NFIA: variants seen among roughly 807,000 people sequenced by gnomAD.
NFIA encodes nuclear factor 1 A-type.
In NFIA, 8 loss-of-function variants were observed where a neutral mutation model predicts 62.8. The observed-to-expected ratio is 0.13, with a 90% CI of 0.07 to 0.23. The LOEUF (loss-of-function observed/expected upper bound fraction) is 0.23, where lower values mean the gene tolerates loss of function less well. NFIA is among the 10% of genes least tolerant of loss of function. NFIA has a pLI of 1.00. For missense variants in NFIA, 410 were observed against 642.1 expected, an observed-to-expected ratio of 0.64 and a Z score of 3.91; for synonymous variants, 235 against 238.1, an observed-to-expected ratio of 0.99 and a Z score of 0.12.
intron 3 of NFIA, among the ~76,000 whole-genome samples, chr1:61,289,784 T>TA (rs1342263384): frequency 6.6e-6 from 1 of 152,174 alleles, no homozygotes; most frequent in Admixed American, 6.5e-5. Context: ...TCTTCCCAGG[T>TA]ATCTGCCTCA....
At chr1:61,339,091 T>C (rs1327121067) in intron 4 of NFIA, among the ~76,000 whole-genome samples, 2 of 152,210 alleles carry the variant, frequency 1.3e-5, no homozygotes, top group Admixed American at 1.3e-4. Flanking sequence ...CTACTCAAAC[T>C]ATGTGCTCGA....
intron 7 of NFIA, among the ~76,000 whole-genome samples, chr1:61,403,113 G>A (rs1022015562): frequency 5.3e-5 from 8 of 152,302 alleles, no homozygotes; most frequent in South Asian, 2.1e-4. Flanking sequence ...GATTTAAACC[G>A]AAGAAAGGAA....
intron 3 of NFIA, among the ~76,000 whole-genome samples, chr1:61,306,092 C>T (rs942239418): frequency 6.6e-5 from 10 of 151,696 alleles, no homozygotes; most frequent in South Asian, 2.1e-4. Flanking sequence ...CCTCGTGATC[C>T]GCCCGCCTTG....
intron 2 of NFIA, among the ~76,000 whole-genome samples, chr1:61,273,726 T>C (rs57700960): frequency 0.07 from 10,581 of 152,232 alleles, 392 homozygotes; most frequent in East Asian, 0.13. Flanking sequence ...TGGTTTGAAC[T>C]CACCTTACTA....
chr1:61,280,440 T>C (rs1206350922), intron 3 of NFIA, among the ~76,000 whole-genome samples: 1 of 98,766 alleles, frequency 1.0e-5, no homozygotes, highest in Non-Finnish European at 2.4e-5. Flanking sequence ...TTCACATATA[T>C]GTATGTGTGT....
At chr1:61,268,003 A>G (rs939379378) in intron 2 of NFIA, among the ~76,000 whole-genome samples, 2 of 152,202 alleles carry the variant, frequency 1.3e-5, no homozygotes, top group Non-Finnish European at 2.9e-5. Context: ...ATGATCCAGT[A>G]TCATTTCCCC....
chr1:61,161,111 C>T (rs1649169191), intron 2 of NFIA, among the ~76,000 whole-genome samples: 2 of 152,172 alleles, frequency 1.3e-5, no homozygotes, highest in Admixed American at 1.3e-4. Context: ...GATGGGATTT[C>T]ACCATATTGG....
intron 7 of NFIA, among the ~76,000 whole-genome samples, chr1:61,386,731 A>G (rs1664705720): frequency 6.6e-6 from 1 of 152,234 alleles, no homozygotes; most frequent in African/African-American, 2.4e-5. Context: ...TGCAAAGCAA[A>G]GGGAGAAACA....
intron 2 of NFIA, among the ~76,000 whole-genome samples, chr1:61,169,012 A>G (rs957750109): frequency 2.0e-5 from 3 of 152,174 alleles, no homozygotes; most frequent in Admixed American, 6.5e-5. Context: ...TGCTCCTCCT[A>G]TCAGGCTCTG....
intron 2 of NFIA, among the ~76,000 whole-genome samples, chr1:61,269,100 T>A (rs942242684): frequency 2.0e-4 from 30 of 152,058 alleles, no homozygotes; most frequent in African/African-American, 6.3e-4. Flanking sequence ...TTATTTTGTC[T>A]AGGAAGACAA....
rs144360853 is a variant in NFIA at position 61,410,198 on chromosome 1, T to G, written c.1420+3471T>G. 4.5e-3 allele frequency among the ~76,000 whole-genome samples: 678 copies of G among 152,202 alleles called. 7 individuals carry two copies. The highest frequency in any genetic ancestry group is 0.015 in the African/African-American group (641 of 41,526). ...ACATGGGAGGGAGTTTGGTCCAGTG[T>G]GGGCCTCCAGGTAAAGGTATTTTAG... On this transcript the variant is annotated intron_variant, in intron 9 of 10. Transcript: ENST00000403491.
intron 2 of NFIA, among the ~76,000 whole-genome samples, chr1:61,263,492 T>C (rs1656903712): frequency 6.6e-6 from 1 of 152,212 alleles, no homozygotes; most frequent in Non-Finnish European, 1.5e-5. Flanking sequence ...TATAGGCTCT[T>C]TCTTGTGAAT....
chr1:61,447,503 G>A (rs1667864002), intron 10 of NFIA, among the ~76,000 whole-genome samples: 1 of 152,060 alleles, frequency 6.6e-6, no homozygotes, highest in South Asian at 2.1e-4. Context: ...GCGAAACCCC[G>A]TCGCCACTGC....
chr1:61,359,324 A>G (rs1037342086), intron 6 of NFIA, 50 bp downstream of exon 6: 1 of 1,610,918 alleles, frequency 6.2e-7, no homozygotes, highest in African/African-American at 1.3e-5. Flanking sequence ...GAAACTGAAA[A>G]TACGTGTGGG....
intron 2 of NFIA, among the ~76,000 whole-genome samples, chr1:61,129,174 G>A (rs774201815): frequency 6.6e-6 from 1 of 151,622 alleles, no homozygotes; most frequent in Non-Finnish European, 1.5e-5. Context: ...CGTTCGCCTC[G>A]GCCTCCCAGA....
chr1:61,145,407 A>G (rs1473198709), intron 2 of NFIA, among the ~76,000 whole-genome samples: 1 of 152,232 alleles, frequency 6.6e-6, no homozygotes, highest in Non-Finnish European at 1.5e-5. Flanking sequence ...CAGAAGAAAC[A>G]TTATCTACTG....
At chr1:61,190,648 C>A (rs1433169368) in intron 2 of NFIA, among the ~76,000 whole-genome samples, 2 of 151,650 alleles carry the variant, frequency 1.3e-5, no homozygotes, top group Non-Finnish European at 2.9e-5. Context: ...GTCTAGGCAT[C>A]CACTGAAACA....
At position 61,284,394 on chromosome 1, in the gene NFIA, GT is replaced by G. The variant is rs558489691; in HGVS notation, c.625+6812del. Among the ~76,000 whole-genome samples the G allele has an allele frequency of 9.2e-5, 14 of 152,288 alleles. No homozygotes were observed. In the South Asian group the frequency reaches 2.7e-3, roughly 29 times the overall value. Reference sequence around the variant, plus strand: ...TTGTTAGCAGGTGTGACCCATCATTGTTTGCAAAGGCTCCTCAGAAATGCCT... The same window carrying G: ...TTGTTAGCAGGTGTGACCCATCATTGTTGCAAAGGCTCCTCAGAAATGCCT... On this transcript the variant is annotated intron_variant, in intron 3 of 10. Transcript: ENST00000403491.
chr1:61,082,180 A>G, upstream of NFIA: 2 of 151,086 alleles, frequency 1.3e-5, no homozygotes, highest in African/African-American at 3.5e-5. Context: ...TGCGTTACCC[A>G]GTAATGCGCT....
Sources: gnomAD v4.1 joint callset for allele counts (sites outside exome capture counted in the v4.1 genomes callset) on GRCh38, gnomAD v4.1.1 for gene constraint, MANE v1.5 for transcripts, NCBI Gene and HGNC (gene_info 2026-07-23, HGNC 2026-07-21) for gene names.